ATG10: variants seen among roughly 807,000 people sequenced by gnomAD.
ATG10 encodes the protein autophagy related 10.
A neutral mutation model predicts 32.1 loss-of-function variants in ATG10; 30 were observed. That is an observed-to-expected ratio of 0.94 (90% CI 0.70 to 1.27). The LOEUF (loss-of-function observed/expected upper bound fraction) is 1.27. Among genes scored for constraint, ATG10 ranks in the 50% most tolerant of loss-of-function variants. The pLI is 0.00. For synonymous variants in ATG10, 87 were observed against 91.5 expected (o/e 0.95, Z 0.28); for missense variants, 233 against 262.3 (o/e 0.89, Z 0.77).
At chr5:82,246,286 G>C (rs1442974305) in intron 5 of ATG10, among the ~76,000 whole-genome samples, 1 of 151,796 alleles carries the variant, frequency 6.6e-6, no homozygotes, top group East Asian at 1.9e-4. Flanking sequence ...AGCCAGGCTG[G>C]TCTTGAACTC....
At chr5:82,118,385 T>A in intron 3 of ATG10, among the ~76,000 whole-genome samples, 1 of 53,100 alleles carries the variant, frequency 1.9e-5, no homozygotes, top group Admixed American at 2.8e-4. Flanking sequence ...ATAATATATG[T>A]ACATATATAT....
Position 82,030,995 on chromosome 5 carries a change from T to C in ATG10, c.109-27500T>C, listed in dbSNP as rs191388279. 3.3e-5 allele frequency among the ~76,000 whole-genome samples: 5 copies of C among 152,306 alleles called. No individual in the cohort carries two copies. The East Asian group carries it at 9.6e-4, about 29-fold the overall frequency. On this transcript the variant is annotated intron_variant, in intron 2 of 7. Coordinates refer to ENST00000282185, the MANE Select transcript of ATG10 (RefSeq NM_031482.5). Reference sequence around the variant, plus strand: ...TTTACCTCACAATCATTATTATTATTATTATCATCATCGTTTTATACCCAG... The same window carrying C: ...TTTACCTCACAATCATTATTATTATCATTATCATCATCGTTTTATACCCAG...
At chr5:82,040,000 G>A (rs72776833) in intron 2 of ATG10, among the ~76,000 whole-genome samples, 12,453 of 152,142 alleles carry the variant, frequency 0.082, 749 homozygotes, top group African/African-American at 0.18. Flanking sequence ...GGGATCTTAT[G>A]GGGTCGTGGG....
chr5:82,004,688 G>A (rs1761941325), intron 2 of ATG10, among the ~76,000 whole-genome samples: 1 of 152,168 alleles, frequency 6.6e-6, no homozygotes, highest in Admixed American at 6.5e-5. Flanking sequence ...TTCAGGTCAC[G>A]TGTGACTCAC....
intron 2 of ATG10, among the ~76,000 whole-genome samples, chr5:82,026,018 A>G (rs1762583323): frequency 6.6e-6 from 1 of 152,242 alleles, no homozygotes. Flanking sequence ...AACAATTTTT[A>G]AATGTATACA....
intron 2 of ATG10, chr5:81,992,104 C>G (rs532662218): frequency 6.6e-6 from 1 of 152,132 alleles, no homozygotes; most frequent in Non-Finnish European, 1.5e-5. Context: ...GATCCTTTCA[C>G]CTCAGCTCTC....
chr5:82,141,522 G>A (rs976281274), intron 3 of ATG10, among the ~76,000 whole-genome samples: 1 of 151,790 alleles, frequency 6.6e-6, no homozygotes, highest in East Asian at 1.9e-4. Context: ...TAAAAATGAA[G>A]AAGTAATGCT....
intron 5 of ATG10, among the ~76,000 whole-genome samples, chr5:82,239,700 C>T (rs1353596604): frequency 6.6e-6 from 1 of 151,882 alleles, no homozygotes; most frequent in Non-Finnish European, 1.5e-5. Flanking sequence ...TTCTGCACAG[C>T]AAAGGAAAGA....
intron 2 of ATG10, among the ~76,000 whole-genome samples, chr5:82,000,009 C>CA (rs1425762893): frequency 2.6e-5 from 4 of 151,770 alleles, no homozygotes; most frequent in Non-Finnish European, 4.4e-5. Context: ...AAGAGAACAA[C>CA]AAAAAAATAA....
intron 3 of ATG10, among the ~76,000 whole-genome samples, chr5:82,064,697 A>G (rs888413566): frequency 7.9e-5 from 12 of 152,224 alleles, no homozygotes; most frequent in Admixed American, 7.9e-4. Flanking sequence ...TAATCTTCAG[A>G]AAACTCTTAT....
rs1419144357 is a variant in ATG10, at chr5:81,987,572, TG to T, written c.4del (p.Glu2?). On this transcript the variant is annotated frameshift_variant and start_lost, in exon 2 of 8. Transcript: ENST00000282185. LOFTEE classifies it high-confidence loss of function. ...TTTGTATTGCAGTTATCATTTAACA[TG>T]GAAGAAGATGAGTTCATTGGAGAAA... is the stretch of plus-strand genomic sequence containing the variant. [M>X]EEDEFIGEKT... 1 of 1,599,512 alleles carries T rather than the reference TG, an allele frequency of 6.3e-7. No individual in the cohort carries two copies. Among genetic ancestry groups the T allele is most frequent in the Non-Finnish European group, 8.5e-7 (1 of 1,171,234 alleles).
chr5:81,975,667 G>C (rs975878195), intron 1 of ATG10, among the ~76,000 whole-genome samples: 5 of 150,808 alleles, frequency 3.3e-5, no homozygotes, highest in African/African-American at 1.2e-4. Context: ...GGGTGACATA[G>C]TGAGACCCCC....
At chr5:82,127,021 TG>T (rs1766306250) in intron 3 of ATG10, among the ~76,000 whole-genome samples, 1 of 152,202 alleles carries the variant, frequency 6.6e-6, no homozygotes, top group Non-Finnish European at 1.5e-5. Context: ...AGAGTGTATT[TG>T]TCTAGGAAAT....
intron 4 of ATG10, among the ~76,000 whole-genome samples, chr5:82,167,213 CTATTA>C (rs1327735869): frequency 1.3e-5 from 2 of 152,028 alleles, no homozygotes; most frequent in East Asian, 3.8e-4. Flanking sequence ...ATCATATATT[CTATTA>C]TATCACAATT....
intron 5 of ATG10, among the ~76,000 whole-genome samples, chr5:82,231,407 A>G (rs1236191784): frequency 6.6e-6 from 1 of 152,212 alleles, no homozygotes; most frequent in Non-Finnish European, 1.5e-5. Flanking sequence ...CATATGTATC[A>G]GTTTATTTGT....
intron 2 of ATG10, among the ~76,000 whole-genome samples, chr5:82,028,009 T>A (rs1762642530): frequency 6.6e-6 from 1 of 152,192 alleles, no homozygotes; most frequent in African/African-American, 2.4e-5. Flanking sequence ...CAATGTTAGA[T>A]TAAGCTAAAT....
intron 3 of ATG10, among the ~76,000 whole-genome samples, chr5:82,142,906 G>A (rs1424615858): frequency 6.6e-6 from 1 of 152,196 alleles, no homozygotes; most frequent in Non-Finnish European, 1.5e-5. Context: ...TTATGTACAT[G>A]CCGTTGCTAA....
chr5:82,217,929 A>G (rs532139470), intron 5 of ATG10, among the ~76,000 whole-genome samples: 9 of 152,052 alleles, frequency 5.9e-5, no homozygotes, highest in Admixed American at 4.6e-4. Flanking sequence ...GTGAGCTGAG[A>G]TTGTACCATT....
At chr5:81,994,216 A>G (rs1410582126) in intron 2 of ATG10, among the ~76,000 whole-genome samples, 1 of 151,980 alleles carries the variant, frequency 6.6e-6, no homozygotes, top group African/African-American at 2.4e-5. Flanking sequence ...CTCTCTTGTC[A>G]CAGAATAATA....
Sources: allele counts gnomAD v4.1 joint callset (sites outside exome capture counted in the v4.1 genomes callset), GRCh38; gene constraint gnomAD v4.1.1; transcripts MANE v1.5; gene names NCBI Gene and HGNC (gene_info 2026-07-23, HGNC 2026-07-21).